SLC35F4: variants seen among roughly 807,000 people sequenced by gnomAD.
SLC35F4 encodes the protein chromosome 14 open reading frame 36.
SLC35F4 carries 24 observed loss-of-function variants against 44.2 expected under a neutral mutation model. The ratio of observed to expected loss-of-function variants is 0.54; its 90% CI spans 0.39 to 0.76. SLC35F4 has a LOEUF of 0.76. SLC35F4 is among the 30% of genes least tolerant of loss of function. SLC35F4 has a pLI of 0.00. For synonymous variants in SLC35F4, 238 were observed against 223.6 expected (o/e 1.06, Z -0.57); for missense variants, 562 against 586.1 (o/e 0.96, Z 0.42).
At chr14:57,629,885 G>C (rs2072680399) in intron 1 of SLC35F4, 3 of 409,860 alleles carry the variant, frequency 7.3e-6, no homozygotes, top group African/African-American at 6.1e-5. Flanking sequence ...GCTCTAGGCT[G>C]AGACTCACAC....
Position 57,878,214 on chromosome 14 carries a change from T to C in SLC35F4, n.282+103699A>G, listed in dbSNP as rs371112146. Among the ~76,000 whole-genome samples the C allele has an allele frequency of 1.1e-4, 16 of 152,318 alleles. No homozygotes were observed. In the East Asian group the frequency reaches 2.9e-3, roughly 28 times the overall value. On this transcript the variant is annotated intron_variant and non_coding_transcript_variant, in intron 1 of 1. Coordinates refer to the SLC35F4 transcript ENST00000556568. ...CTTATAGATTCTTGATATTAGACCTTTGTTGGATGCATAGTTTGCAAGTAT... is the reference window on the plus strand; with the variant it reads ...CTTATAGATTCTTGATATTAGACCTCTGTTGGATGCATAGTTTGCAAGTAT...
At chr14:57,897,620 C>T (rs1311712269) in intron 1 of SLC35F4, among the ~76,000 whole-genome samples, 1 of 151,998 alleles carries the variant, frequency 6.6e-6, no homozygotes, top group East Asian at 1.9e-4. Flanking sequence ...CCTCTTGGGG[C>T]TCAGTGAAAA....
At chr14:57,588,139 C>T (rs1594960363) in intron 3 of SLC35F4, among the ~76,000 whole-genome samples, 2 of 152,152 alleles carry the variant, frequency 1.3e-5, no homozygotes, top group South Asian at 2.1e-4. Context: ...TGCACTCCAG[C>T]CTGGGTGACA....
chr14:57,664,311 T>C (rs1432973239), intron 1 of SLC35F4, among the ~76,000 whole-genome samples: 1 of 152,072 alleles, frequency 6.6e-6, no homozygotes, highest in African/African-American at 2.4e-5. Context: ...ATTTAACAGG[T>C]AGCATTGTTA....
At chr14:57,934,097 C>G (rs562697699) in intron 1 of SLC35F4, among the ~76,000 whole-genome samples, 7 of 151,784 alleles carry the variant, frequency 4.6e-5, no homozygotes, top group Non-Finnish European at 8.8e-5. Context: ...GTTTTAAAAG[C>G]AAAATATAAG....
At chr14:57,902,281 T>C (rs1889017190) in intron 1 of SLC35F4, among the ~76,000 whole-genome samples, 1 of 152,132 alleles carries the variant, frequency 6.6e-6, no homozygotes. Context: ...AATTCTACTC[T>C]GGCTGGGCGC....
intron 1 of SLC35F4, among the ~76,000 whole-genome samples, chr14:57,930,268 A>G (rs1047845840): frequency 1.3e-5 from 2 of 152,226 alleles, no homozygotes; most frequent in Non-Finnish European, 2.9e-5. Context: ...CATACAGATT[A>G]ACGTGGACAG....
At chr14:57,710,129 G>A (rs1273572453) in intron 1 of SLC35F4, among the ~76,000 whole-genome samples, 1 of 152,218 alleles carries the variant, frequency 6.6e-6, no homozygotes, top group African/African-American at 2.4e-5. Flanking sequence ...TGGGACTCCT[G>A]CTCTGTGCAG....
chr14:57,944,201 C>T (rs1889967292), intron 1 of SLC35F4, among the ~76,000 whole-genome samples: 1 of 152,190 alleles, frequency 6.6e-6, no homozygotes. Context: ...AAAAGAGGGT[C>T]TTCTATTCCT....
At chr14:57,946,071 G>C (rs1045088288) in intron 1 of SLC35F4, among the ~76,000 whole-genome samples, 8 of 151,946 alleles carry the variant, frequency 5.3e-5, no homozygotes, top group African/African-American at 1.9e-4. Context: ...CCATTCTGTG[G>C]GTTCTCTGTT....
intron 1 of SLC35F4, among the ~76,000 whole-genome samples, chr14:57,777,543 T>C (rs893649285): frequency 6.6e-6 from 1 of 151,736 alleles, no homozygotes. Flanking sequence ...AACCAAACAC[T>C]GCATGTTCTC....
chr14:57,875,303 C>T (rs1888376764), intron 1 of SLC35F4, among the ~76,000 whole-genome samples: 1 of 152,184 alleles, frequency 6.6e-6, no homozygotes, highest in Non-Finnish European at 1.5e-5. Flanking sequence ...TCCTTCCTTT[C>T]TTCATCCTAC....
chr14:57,627,912 C>A (rs2072554600), intron 1 of SLC35F4, among the ~76,000 whole-genome samples: 1 of 151,830 alleles, frequency 6.6e-6, no homozygotes, highest in Non-Finnish European at 1.5e-5. Flanking sequence ...GCTGTTTTCC[C>A]CTTTATTCTT....
At chr14:57,644,021 T>G (rs922456661) in intron 1 of SLC35F4, among the ~76,000 whole-genome samples, 1 of 152,236 alleles carries the variant, frequency 6.6e-6, no homozygotes, top group African/African-American at 2.4e-5. Context: ...CTATCATTGT[T>G]GGACATTTGG....
rs1655173134 is a variant in SLC35F4 at position 57,581,217 on chromosome 14, C to T, written c.804G>A (p.Val268=). Residue 268 remains valine (V), a synonymous_variant, in exon 4 of 8, where the codon GTG becomes GTA. Transcript: ENST00000556826. ...WIVLKDRFMG[V]RIVAAIMAIT... Reference sequence around the variant, plus strand: ...ATTGAATCAAGTATGCCATTACCCTCACTCCCATGAACCTGTCTTTCAGCA... The same window carrying T: ...ATTGAATCAAGTATGCCATTACCCTTACTCCCATGAACCTGTCTTTCAGCA... 6.4e-7 allele frequency: 1 copy of T among 1,556,398 alleles called. No homozygotes were observed. The highest frequency in any genetic ancestry group is 8.7e-7 in the Non-Finnish European group (1 of 1,153,568).
rs556525633 is a variant in SLC35F4, at chr14:57,691,972, T to C, written c.104-97848A>G. On this transcript the variant is annotated intron_variant, in intron 1 of 7. Coordinates refer to ENST00000556826, the MANE Select transcript of SLC35F4 (RefSeq NM_001306087.2). The stretch of plus-strand genomic sequence containing the variant: ...CAGATGTGGAACACGATAGTGTGTG[T>C]CCAGGAAGCTGGAGAATATAGTCTG... 3.3e-5 allele frequency among the ~76,000 whole-genome samples: 5 copies of C among 152,260 alleles called. No individual in the cohort carries two copies. In the South Asian group the frequency reaches 1.0e-3, roughly 32 times the overall value.
At chr14:57,779,111 A>AT (rs1335242174) in intron 1 of SLC35F4, among the ~76,000 whole-genome samples, 18 of 152,144 alleles carry the variant, frequency 1.2e-4, no homozygotes, top group African/African-American at 2.9e-4. Flanking sequence ...AAGACAAAAA[A>AT]AAATAATAAT....
intron 1 of SLC35F4, among the ~76,000 whole-genome samples, chr14:57,922,543 C>T (rs1282671167): frequency 1.3e-5 from 2 of 152,182 alleles, no homozygotes; most frequent in African/African-American, 4.8e-5. Flanking sequence ...ACACAAGACC[C>T]TTTATTACTG....
At chr14:57,598,041 G>A (rs2070596364) in intron 1 of SLC35F4, among the ~76,000 whole-genome samples, 1 of 152,178 alleles carries the variant, frequency 6.6e-6, no homozygotes, top group African/African-American at 2.4e-5. Flanking sequence ...TAAAAGGGGA[G>A]TTTTTAGGAG....
Sources: allele counts gnomAD v4.1 joint callset (sites outside exome capture counted in the v4.1 genomes callset), GRCh38; gene constraint gnomAD v4.1.1; transcripts MANE v1.5; gene names NCBI Gene and HGNC (gene_info 2026-07-23, HGNC 2026-07-21).